The following PTPRT variants were observed in gnomAD, a reference collection of about 807,000 sequenced individuals.
PTPRT encodes receptor-type tyrosine-protein phosphatase T.
In PTPRT, 56 loss-of-function variants were observed where a neutral mutation model predicts 176.8. The observed-to-expected ratio is 0.32, with a 90% CI of 0.26 to 0.40. The LOEUF (loss-of-function observed/expected upper bound fraction) is 0.40, where lower values mean the gene tolerates loss of function less well. PTPRT is among the 10% of genes least tolerant of loss of function. The probability of loss-of-function intolerance (pLI) is 1.00; values close to 1 mark genes in which losing one functional copy is unlikely to be tolerated. For missense variants in PTPRT, 1,540 were observed against 1,908.2 expected, an observed-to-expected ratio of 0.81 and a Z score of 3.60; for synonymous variants, 783 against 739.0, an observed-to-expected ratio of 1.06 and a Z score of -0.96.
chr20:42,373,285 G>A (rs1296677602), intron 9 of PTPRT, among the ~76,000 whole-genome samples: 1 of 152,212 alleles, frequency 6.6e-6, no homozygotes, highest in Non-Finnish European at 1.5e-5. Flanking sequence ...TCTGTTCAAA[G>A]AGTGACAGCC....
At chr20:43,041,123 T>C (rs995687968) in intron 1 of PTPRT, among the ~76,000 whole-genome samples, 1 of 152,112 alleles carries the variant, frequency 6.6e-6, no homozygotes, top group African/African-American at 2.4e-5. Context: ...TTTGAGACCG[T>C]CTCCAATCAC....
intron 1 of PTPRT, among the ~76,000 whole-genome samples, chr20:43,093,497 C>A (rs1185469979): frequency 6.6e-6 from 1 of 152,230 alleles, no homozygotes; most frequent in Non-Finnish European, 1.5e-5. Flanking sequence ...CTAGAACTTA[C>A]CAACATGAAG....
intron 1 of PTPRT, among the ~76,000 whole-genome samples, chr20:42,959,748 C>G (rs1476551621): frequency 2.6e-5 from 4 of 152,190 alleles, no homozygotes; most frequent in African/African-American, 7.2e-5. Context: ...TCTTTAAGGT[C>G]AGAACCCATG....
chr20:42,107,983 C>A (rs910940658), intron 23 of PTPRT, among the ~76,000 whole-genome samples: 5 of 152,144 alleles, frequency 3.3e-5, no homozygotes, highest in Non-Finnish European at 7.3e-5. Flanking sequence ...GAACCTACTC[C>A]CCAAAATCCA....
At chr20:42,312,066 T>C (rs1432296333) in intron 12 of PTPRT, among the ~76,000 whole-genome samples, 4 of 152,228 alleles carry the variant, frequency 2.6e-5, no homozygotes, top group East Asian at 1.9e-4. Flanking sequence ...AGTAGTTACA[T>C]TTTACATTAA....
intron 1 of PTPRT, among the ~76,000 whole-genome samples, chr20:42,956,444 A>G (rs925352667): frequency 6.0e-5 from 8 of 134,084 alleles, no homozygotes; most frequent in African/African-American, 2.8e-4. Flanking sequence ...ACCTGCTCCT[A>G]CTCTAGCCGT....
chr20:42,249,455 C>T (rs1445454028), intron 13 of PTPRT, among the ~76,000 whole-genome samples: 1 of 152,194 alleles, frequency 6.6e-6, no homozygotes, highest in Non-Finnish European at 1.5e-5. Context: ...CTTGCTGACA[C>T]AATCCTCAGT....
At chr20:42,678,913 C>T (rs1249753368) in intron 6 of PTPRT, among the ~76,000 whole-genome samples, 6 of 152,140 alleles carry the variant, frequency 3.9e-5, no homozygotes, top group Non-Finnish European at 8.8e-5. Flanking sequence ...GAAGTTCTTT[C>T]CAAAAAGTGA....
intron 9 of PTPRT, among the ~76,000 whole-genome samples, chr20:42,435,801 G>A (rs1427236297): frequency 2.0e-5 from 3 of 152,118 alleles, no homozygotes; most frequent in Non-Finnish European, 2.9e-5. Flanking sequence ...AAAGAGCCAA[G>A]GGCAAGAATA....
chr20:42,970,371 G>A (rs908165189), intron 1 of PTPRT, among the ~76,000 whole-genome samples: 4 of 152,172 alleles, frequency 2.6e-5, no homozygotes, highest in African/African-American at 9.7e-5. Context: ...AGCAAACAAA[G>A]ACGACTATTA....
At position 42,525,853 on chromosome 20, in the gene PTPRT, C is replaced by T. The variant is rs13039204; in HGVS notation, c.1154-53291G>A. On this transcript the variant is annotated intron_variant, in intron 7 of 30. Coordinates refer to ENST00000373187, the MANE Select transcript of PTPRT (RefSeq NM_007050.6). ...ATTTAACAATAAACATTAATGGGGA[C>T]CATATTCCTGAAATTGTGTGTTTAT... 2.8e-3 allele frequency among the ~76,000 whole-genome samples: 419 copies of T among 152,210 alleles called. 2 individuals are homozygous for T. Among genetic ancestry groups the T allele is most frequent in the Non-Finnish European group, 4.8e-3 (326 of 68,024 alleles).
chr20:42,928,909 T>C (rs1452137913), intron 1 of PTPRT, among the ~76,000 whole-genome samples: 4 of 152,240 alleles, frequency 2.6e-5, no homozygotes, highest in Admixed American at 2.6e-4. Flanking sequence ...TTTTGATTCC[T>C]GTCATATCTA....
At chr20:42,682,571 G>C (rs886478725) in intron 6 of PTPRT, among the ~76,000 whole-genome samples, 22 of 152,174 alleles carry the variant, frequency 1.4e-4, no homozygotes, top group Non-Finnish European at 2.6e-4. Context: ...TTTAACATCT[G>C]ACAGCACCCT....
chr20:42,686,746 T>C (rs962430777), intron 6 of PTPRT, among the ~76,000 whole-genome samples: 3 of 151,938 alleles, frequency 2.0e-5, no homozygotes, highest in Non-Finnish European at 4.4e-5. Context: ...TCCGCCTCAG[T>C]GTCCCAAAGT....
chr20:42,952,737 A>T (rs887123167), intron 1 of PTPRT, among the ~76,000 whole-genome samples: 1 of 152,176 alleles, frequency 6.6e-6, no homozygotes, highest in African/African-American at 2.4e-5. Flanking sequence ...GCACTATTCC[A>T]TTTGGTCCAC....
chr20:43,047,083 C>T (rs1187713149), intron 1 of PTPRT, among the ~76,000 whole-genome samples: 5 of 151,924 alleles, frequency 3.3e-5, no homozygotes, highest in Admixed American at 2.6e-4. Flanking sequence ...CCTCCCTCCT[C>T]CCTCTTCCCC....
chr20:42,900,421 G>A lies in PTPRT; in HGVS notation c.89-14489C>T, dbSNP rs970056224. On this transcript the variant is annotated intron_variant, in intron 1 of 30. Coordinates refer to ENST00000373187, the MANE Select transcript of PTPRT (RefSeq NM_007050.6). ...AAACATGGATGCCTGGCTTGTCCCC[G>A]GTATGAATGCCCAAGTCCTGTCATC... Among the ~76,000 whole-genome samples, 7 of 152,086 alleles carry A rather than the reference G, an allele frequency of 4.6e-5. 1 individual carries two copies. In the South Asian group the frequency reaches 6.2e-4, roughly 14 times the overall value.
intron 12 of PTPRT, among the ~76,000 whole-genome samples, chr20:42,299,388 G>C (rs188766524): frequency 5.9e-4 from 90 of 152,048 alleles, no homozygotes; most frequent in Admixed American, 5.4e-3. Flanking sequence ...TCAACACAAC[G>C]GTTTGCATAT....
At chr20:43,087,259 A>G (rs554908623) in intron 1 of PTPRT, among the ~76,000 whole-genome samples, 1 of 151,506 alleles carries the variant, frequency 6.6e-6, no homozygotes, top group South Asian at 2.1e-4. Context: ...TATCCATGTC[A>G]TTGCATTGAT....
Sources: gnomAD v4.1 joint callset for allele counts (sites outside exome capture counted in the v4.1 genomes callset) on GRCh38, gnomAD v4.1.1 for gene constraint, MANE v1.5 for transcripts, NCBI Gene and HGNC (gene_info 2026-07-23, HGNC 2026-07-21) for gene names.